Variants in B3GNT2 observed in about 807,000 individuals in gnomAD.
B3GNT2 encodes the protein N-acetyllactosaminide beta-1,3-N-acetylglucosaminyltransferase 2.
A neutral mutation model predicts 27.6 loss-of-function variants in B3GNT2; 12 were observed. The ratio of observed to expected loss-of-function variants is 0.44; its 90% CI spans 0.28 to 0.71. The LOEUF is 0.71. Among genes scored for constraint, B3GNT2 ranks in the 30% least tolerant of loss-of-function variants. The pLI is 0.17. For missense variants in B3GNT2, 413 were observed against 488.5 expected, an observed-to-expected ratio of 0.85 and a Z score of 1.46; for synonymous variants, 192 against 189.7, an observed-to-expected ratio of 1.01 and a Z score of -0.10.
At chr2:62,199,621 A>T (rs1383324691) in intron 1 of B3GNT2, among the ~76,000 whole-genome samples, 1 of 152,214 alleles carries the variant, frequency 6.6e-6, no homozygotes, top group Non-Finnish European at 1.5e-5. Context: ...GGGGAAACTA[A>T]AGTCATTTGG....
chr2:62,202,903 C>T (rs1199333568), intron 1 of B3GNT2, among the ~76,000 whole-genome samples: 3 of 152,150 alleles, frequency 2.0e-5, no homozygotes, highest in Admixed American at 6.5e-5. Flanking sequence ...GGCACAAGGC[C>T]CCCAGCTTTC....
At chr2:62,210,716 G>A (rs1674466409) in intron 1 of B3GNT2, among the ~76,000 whole-genome samples, 1 of 151,846 alleles carries the variant, frequency 6.6e-6, no homozygotes, top group Non-Finnish European at 1.5e-5. Flanking sequence ...GTTGCAGTGA[G>A]CCGAGATCGC....
chr2:62,213,916 A>G (rs1674524651), intron 1 of B3GNT2, among the ~76,000 whole-genome samples: 1 of 152,184 alleles, frequency 6.6e-6, no homozygotes, highest in African/African-American at 2.4e-5. Context: ...TTCCTTTAGC[A>G]AATGCTGGGT....
chr2:62,215,195 G>A (rs948466026), intron 1 of B3GNT2, among the ~76,000 whole-genome samples: 5 of 152,138 alleles, frequency 3.3e-5, no homozygotes, highest in Admixed American at 6.5e-5. Flanking sequence ...TTATAAATAC[G>A]TTTCCCTTTT....
intron 1 of B3GNT2, chr2:62,215,460 A>G (rs1436979771): frequency 1.3e-5 from 2 of 152,206 alleles, no homozygotes; most frequent in African/African-American, 4.8e-5. Flanking sequence ...GAGCTGCTCC[A>G]CTCACACCCT....
chr2:62,202,389 A>C (rs1016239483), intron 1 of B3GNT2, among the ~76,000 whole-genome samples: 1 of 152,210 alleles, frequency 6.6e-6, no homozygotes, highest in African/African-American at 2.4e-5. Flanking sequence ...ACACAACAGA[A>C]AGGCTCATAG....
intron 1 of B3GNT2, among the ~76,000 whole-genome samples, chr2:62,200,006 T>C (rs1674235410): frequency 1.3e-5 from 2 of 152,240 alleles, no homozygotes; most frequent in South Asian, 4.1e-4. Flanking sequence ...TTAGGGCTTA[T>C]GTGGCACAAT....
intron 1 of B3GNT2, among the ~76,000 whole-genome samples, chr2:62,204,803 C>CT (rs1316057066): frequency 1.3e-5 from 2 of 152,116 alleles, no homozygotes; most frequent in East Asian, 1.9e-4. Context: ...GATGGATCGT[C>CT]TTTTTTTAAC....
Position 62,196,337 on chromosome 2 carries a change from G to A in B3GNT2, c.-28G>A, listed in dbSNP as rs1674139549. 6.6e-6 allele frequency: 1 copy of A among 152,452 alleles called. No homozygotes were observed. The highest frequency in any genetic ancestry group is 2.1e-4 in the South Asian group (1 of 4,844). 9.4% of individuals were successfully genotyped at this position (152,452 alleles called of 1,614,324 possible). A position where few individuals can be genotyped will look rare whatever the true frequency, so the allele number is the denominator to read the frequency against. On this transcript the variant is annotated 5_prime_UTR_variant, in exon 1 of 2. It introduces an in-frame stop codon into an upstream open reading frame of the 5' UTR. Transcript: ENST00000301998. ...GCCCTTGCCCCCGCCCCGCCGAGCT[G>A]GAGCTGCTCCCGGACAAGGTAGGGC...
intron 1 of B3GNT2, among the ~76,000 whole-genome samples, chr2:62,197,892 G>C (rs1256917591): frequency 6.6e-6 from 1 of 152,238 alleles, no homozygotes; most frequent in African/African-American, 2.4e-5. Flanking sequence ...TGGTTCTTTT[G>C]AGTAGAGGGT....
At chr2:62,204,140 C>T (rs1281132727) in intron 1 of B3GNT2, among the ~76,000 whole-genome samples, 1 of 152,152 alleles carries the variant, frequency 6.6e-6, no homozygotes, top group African/African-American at 2.4e-5. Context: ...AATTCTCCTG[C>T]CTCAGTCTCC....
intron 1 of B3GNT2, among the ~76,000 whole-genome samples, chr2:62,209,633 G>A (rs1183414869): frequency 3.9e-5 from 6 of 152,168 alleles, no homozygotes; most frequent in East Asian, 3.9e-4. Context: ...CCCCCACGCC[G>A]TCACCCCCCA....
intron 1 of B3GNT2, among the ~76,000 whole-genome samples, chr2:62,199,762 T>C (rs1214950725): frequency 6.6e-6 from 1 of 152,256 alleles, no homozygotes; most frequent in South Asian, 2.1e-4. Context: ...GACCCAGCTG[T>C]CTTTTTCTCC....
intron 1 of B3GNT2, among the ~76,000 whole-genome samples, chr2:62,212,214 G>A (rs780466348): frequency 3.9e-5 from 6 of 152,138 alleles, no homozygotes; most frequent in African/African-American, 1.2e-4. Flanking sequence ...GTGTGCATGC[G>A]CATGCTTTTC....
chr2:62,196,605 G>A (rs1674147886), intron 1 of B3GNT2, among the ~76,000 whole-genome samples: 1 of 152,220 alleles, frequency 6.6e-6, no homozygotes, highest in Non-Finnish European at 1.5e-5. Context: ...CCCAACCTCA[G>A]CCCAGAGGGA....
intron 1 of B3GNT2, among the ~76,000 whole-genome samples, chr2:62,217,563 T>C (rs539200478): frequency 1.6e-3 from 241 of 152,298 alleles, no homozygotes; most frequent in African/African-American, 5.6e-3. Flanking sequence ...GGATGGGTGT[T>C]GTGACAGCCT....
At chr2:62,215,396 T>C (rs1432751217) in intron 1 of B3GNT2, 1 of 152,280 alleles carries the variant, frequency 6.6e-6, no homozygotes, top group African/African-American at 2.4e-5. Context: ...GCCAGGCCTC[T>C]TTCCGCAATC....
intron 1 of B3GNT2, among the ~76,000 whole-genome samples, chr2:62,200,269 C>T (rs116736857): frequency 0.013 from 1,945 of 151,902 alleles, 19 homozygotes; most frequent in Non-Finnish European, 0.02. Context: ...ACATTATTTT[C>T]TGTGCATCTA....
rs777380168 is a variant in B3GNT2 at position 62,222,531 on chromosome 2, C to T, written c.311C>T (p.Ser104Leu). Residue 104 changes from serine to leucine, a missense_variant, in exon 2 of 2, where the codon TCG becomes TTG. By Grantham distance (145) the Ser-to-Leu change is moderately radical. Transcript: ENST00000301998. This position sits in a 1 kb window ranked among gnomAD's most constrained non-coding sequence, Gnocchi z 4.2. ...NYCEPDLRVT[S>L]VVTGFNNLPD... Reference sequence around the variant, plus strand: ...TGCGAACCTGACCTGAGGGTCACGTCGGTGGTTACGGGTTTTAACAACTTG... The same window carrying T: ...TGCGAACCTGACCTGAGGGTCACGTTGGTGGTTACGGGTTTTAACAACTTG... The T allele has an allele frequency of 1.3e-5, 21 of 1,614,048 alleles. No homozygotes were observed. The East Asian group carries it at 3.6e-4, about 27-fold the overall frequency.
Sources: gnomAD v4.1 joint callset for allele counts (sites outside exome capture counted in the v4.1 genomes callset) on GRCh38, gnomAD v4.1.1 for gene constraint, Gnocchi (gnomAD v3.1) non-coding constraint, MANE v1.5 for transcripts, NCBI Gene and HGNC (gene_info 2026-07-23, HGNC 2026-07-21) for gene names.